The following PDE4D variants were observed in gnomAD, a reference collection of about 807,000 sequenced individuals.
The protein encoded by PDE4D is phosphodiesterase 4D.
PDE4D carries 24 observed loss-of-function variants against 87.4 expected under a neutral mutation model. That is an observed-to-expected ratio of 0.27 (90% CI 0.20 to 0.39). The LOEUF is 0.39. Ranked by LOEUF, PDE4D falls within the 10% of genes least tolerant of loss-of-function variation. The pLI is 1.00. For synonymous variants in PDE4D, 384 were observed against 383.2 expected (o/e 1.00, Z -0.02); for missense variants, 714 against 1,041.0 (o/e 0.69, Z 4.32).
chr5:59,327,157 ACAC>A (rs1255623344), intron 1 of PDE4D, among the ~76,000 whole-genome samples: 120 of 150,784 alleles, frequency 8.0e-4, no homozygotes, highest in African/African-American at 2.9e-3. Flanking sequence ...ACACACACAC[ACAC>A]ACACACACAC....
chr5:59,003,122 C>T (rs1463538215), intron 6 of PDE4D, among the ~76,000 whole-genome samples: 3 of 152,156 alleles, frequency 2.0e-5, no homozygotes, highest in Non-Finnish European at 4.4e-5. Context: ...CTTAGCTCAT[C>T]TTCTTGCCCC....
chr5:60,175,702 A>G (rs1398256513), intron 2 of PDE4D, among the ~76,000 whole-genome samples: 1 of 152,034 alleles, frequency 6.6e-6, no homozygotes, highest in Admixed American at 6.6e-5. Flanking sequence ...ATTTTTACTC[A>G]ACACTTGTTA....
At chr5:59,841,319 G>T (rs1158798402) in intron 1 of PDE4D, among the ~76,000 whole-genome samples, 2 of 152,038 alleles carry the variant, frequency 1.3e-5, no homozygotes, top group African/African-American at 4.8e-5. Context: ...CTCTAACATT[G>T]TATTGAACCA....
intron 2 of PDE4D, among the ~76,000 whole-genome samples, chr5:60,181,609 C>T (rs1784381391): frequency 1.3e-5 from 2 of 152,120 alleles, no homozygotes; most frequent in South Asian, 4.1e-4. Context: ...AAATAAAGGG[C>T]AATTTCATCA....
chr5:59,057,928 T>A (rs533624981), intron 5 of PDE4D, among the ~76,000 whole-genome samples: 2 of 152,172 alleles, frequency 1.3e-5, no homozygotes, highest in Non-Finnish European at 2.9e-5. Flanking sequence ...CTTGTAGAGA[T>A]AGAGACTGGC....
intron 2 of PDE4D, among the ~76,000 whole-genome samples, chr5:60,076,155 CT>C (rs1245488418): frequency 4.2e-5 from 6 of 141,420 alleles, no homozygotes; most frequent in South Asian, 4.7e-4. Context: ...TTCCTCCAAT[CT>C]TTTTCGAATT....
intron 1 of PDE4D, among the ~76,000 whole-genome samples, chr5:59,625,957 G>A (rs966782285): frequency 7.9e-5 from 12 of 152,032 alleles, no homozygotes; most frequent in Non-Finnish European, 1.6e-4. Context: ...GCGTGGTGGC[G>A]GGCGCCTGTA....
rs139532588 is a variant in PDE4D at position 59,004,135 on chromosome 5, T to TAA, written c.922-10671_922-10670insTT. Among the ~76,000 whole-genome samples the TAA allele has an allele frequency of 1.5e-3, 222 of 151,228 alleles. 1 individual carries two copies. The East Asian group carries it at 0.016, about 11-fold the overall frequency. ...TAGGCTAAATACTCCCTACATAGATTTAAAAAAAAAATCAGTATAATGGCT... is the reference window on the plus strand; with the variant it reads ...TAGGCTAAATACTCCCTACATAGATTAATAAAAAAAAAATCAGTATAATGGCT... On this transcript the variant is annotated intron_variant, in intron 6 of 14. Transcript: ENST00000340635.
chr5:60,007,269 T>C (rs759626029), intron 2 of PDE4D, among the ~76,000 whole-genome samples: 5 of 152,030 alleles, frequency 3.3e-5, no homozygotes, highest in Non-Finnish European at 7.4e-5. Flanking sequence ...TCTTGAAGGA[T>C]AGAATAACAA....
intron 1 of PDE4D, among the ~76,000 whole-genome samples, chr5:59,820,365 G>A (rs1769493459): frequency 6.6e-6 from 1 of 152,214 alleles, no homozygotes. Context: ...GGACAAGTCA[G>A]CTCAGATGAG....
intron 5 of PDE4D, chr5:59,063,125 A>G (rs1245114491): frequency 6.6e-6 from 1 of 152,256 alleles, no homozygotes; most frequent in Non-Finnish European, 1.5e-5. Context: ...CCACCTGGGA[A>G]CATATCCTCG....
At chr5:59,838,304 C>A (rs1398219923) in intron 1 of PDE4D, among the ~76,000 whole-genome samples, 1 of 152,026 alleles carries the variant, frequency 6.6e-6, no homozygotes, top group African/African-American at 2.4e-5. Context: ...TGAACCAGCA[C>A]CAGCTTCTTA....
At chr5:60,028,639 T>A (rs1766907663) in intron 2 of PDE4D, among the ~76,000 whole-genome samples, 1 of 152,168 alleles carries the variant, frequency 6.6e-6, no homozygotes, top group South Asian at 2.1e-4. Context: ...ATGCCCCTGA[T>A]CCATATTCCT....
chr5:59,276,484 T>C (rs1764846951), intron 1 of PDE4D, among the ~76,000 whole-genome samples: 1 of 152,190 alleles, frequency 6.6e-6, no homozygotes, highest in African/African-American at 2.4e-5. Context: ...ACTTGATGAC[T>C]TAGCAGCTGT....
chr5:59,438,931 T>C (rs1265188874), intron 1 of PDE4D, among the ~76,000 whole-genome samples: 1 of 152,230 alleles, frequency 6.6e-6, no homozygotes, highest in Non-Finnish European at 1.5e-5. Flanking sequence ...TAAATGTAAA[T>C]GATACAAAAG....
chr5:60,334,356 A>G (rs889914018), intron 1 of PDE4D, among the ~76,000 whole-genome samples: 2 of 152,168 alleles, frequency 1.3e-5, no homozygotes, highest in African/African-American at 4.8e-5. Flanking sequence ...TCATCTTCCA[A>G]TTTGAGAAGC....
At chr5:59,046,332 ATGTG>A (rs35900836) in intron 5 of PDE4D, among the ~76,000 whole-genome samples, 9,225 of 151,598 alleles carry the variant, frequency 0.061, 427 homozygotes, top group Admixed American at 0.13. Flanking sequence ...GTGCACATGC[ATGTG>A]TGTGTGTGTA....
intron 1 of PDE4D, among the ~76,000 whole-genome samples, chr5:59,364,535 A>G (rs1432843835): frequency 3.9e-5 from 6 of 152,206 alleles, no homozygotes; most frequent in African/African-American, 1.2e-4. Flanking sequence ...TATATATGCT[A>G]TAGGTGAGTC....
chr5:59,119,763 A>G (rs1774178046), intron 5 of PDE4D, among the ~76,000 whole-genome samples: 1 of 152,124 alleles, frequency 6.6e-6, no homozygotes, highest in Admixed American at 6.5e-5. Context: ...CAATTCCACT[A>G]CCTTTCCCAC....
Sources: gnomAD v4.1 joint callset for allele counts (sites outside exome capture counted in the v4.1 genomes callset) on GRCh38, gnomAD v4.1.1 for gene constraint, MANE v1.5 for transcripts, NCBI Gene and HGNC (gene_info 2026-07-23, HGNC 2026-07-21) for gene names.